The following MTREX variants were observed in gnomAD, a reference collection of about 807,000 sequenced individuals.
MTREX encodes Mtr4 exosome RNA helicase.
A neutral mutation model predicts 135.4 loss-of-function variants in MTREX; 76 were observed. That is an observed-to-expected ratio of 0.56 (90% CI 0.47 to 0.68). The LOEUF (loss-of-function observed/expected upper bound fraction) is 0.68. Ranked by LOEUF, MTREX falls within the 30% of genes least tolerant of loss-of-function variation. The pLI is 0.00. For synonymous variants in MTREX, 404 were observed against 401.6 expected, an observed-to-expected ratio of 1.01 and a Z score of -0.07; for missense variants, 920 against 1,262.1, an observed-to-expected ratio of 0.73 and a Z score of 4.11.
chr5:55,387,119 T>C (rs1260180848), intron 18 of MTREX, among the ~76,000 whole-genome samples: 3 of 152,160 alleles, frequency 2.0e-5, no homozygotes, highest in African/African-American at 4.8e-5. Flanking sequence ...AAAAAGTTTT[T>C]CTTTCGTATT....
At position 55,362,383 on chromosome 5, in the gene MTREX, C is replaced by T. The variant is rs191547926; in HGVS notation, c.1659+3685C>T. 1.3e-3 allele frequency among the ~76,000 whole-genome samples: 204 copies of T among 151,878 alleles called. 2 individuals are homozygous for T. In the Middle Eastern group the frequency reaches 0.024, roughly 18 times the overall value. On this transcript the variant is annotated intron_variant, in intron 15 of 26. Coordinates refer to ENST00000230640, the MANE Select transcript of MTREX (RefSeq NM_015360.5). Reference sequence around the variant, plus strand: ...TGTTTGTTTGTTTTTTGTTTTGAGACAGTTTCTCGCTCTGTCACCCAGGCT... The same window carrying T: ...TGTTTGTTTGTTTTTTGTTTTGAGATAGTTTCTCGCTCTGTCACCCAGGCT...
chr5:55,414,242 A>AT lies in MTREX; in HGVS notation c.2808+4_2808+5insT. The AT allele has an allele frequency of 6.7e-7, 1 of 1,500,246 alleles. No individual in the cohort carries two copies. The highest frequency in any genetic ancestry group is 9.0e-7 in the Non-Finnish European group (1 of 1,116,288). The allele number at this position is 1,500,246 out of a possible 1,614,324, so 92.9% of individuals were successfully genotyped here. On this transcript the variant is annotated splice_donor_region_variant and intron_variant, in intron 24 of 26. Transcript: ENST00000230640. ...AGGACCACTTCGTCAAATGCAGGTA[A>AT]GGTTTTTTTTTTTTTTTTTTGAACT...
At chr5:55,423,564 C>CAGTG (rs1371202418) in intron 26 of MTREX, 1 of 152,800 alleles carries the variant, frequency 6.5e-6, no homozygotes, top group African/African-American at 2.4e-5. Flanking sequence ...CTCAACTCTG[C>CAGTG]AGTGACTGGA....
chr5:55,401,086 G>C (rs1750717428), intron 21 of MTREX, among the ~76,000 whole-genome samples: 2 of 152,174 alleles, frequency 1.3e-5, no homozygotes, highest in African/African-American at 4.8e-5. Flanking sequence ...CCAGGCTTCA[G>C]TCCAGTGGCA....
chr5:55,316,528 A>G (rs1749201062), intron 1 of MTREX, among the ~76,000 whole-genome samples: 1 of 152,190 alleles, frequency 6.6e-6, no homozygotes, highest in Non-Finnish European at 1.5e-5. Context: ...ACTAAAGACA[A>G]AAAACCACAT....
intron 16 of MTREX, among the ~76,000 whole-genome samples, chr5:55,377,931 C>A (rs1257341804): frequency 1.3e-5 from 2 of 150,238 alleles, no homozygotes; most frequent in African/African-American, 4.9e-5. Flanking sequence ...TTTTAGGTCA[C>A]AAGGCACTCA....
intron 19 of MTREX, among the ~76,000 whole-genome samples, chr5:55,389,218 A>T (rs768894762): frequency 3.3e-5 from 5 of 152,074 alleles, no homozygotes; most frequent in Non-Finnish European, 7.4e-5. Context: ...TAAGGCTAAA[A>T]CTCCCACAGT....
intron 18 of MTREX, among the ~76,000 whole-genome samples, chr5:55,385,996 C>G (rs549324498): frequency 9.9e-5 from 15 of 152,192 alleles, no homozygotes; most frequent in Middle Eastern, 3.4e-3. Flanking sequence ...TTCCATTGCA[C>G]TACCTGAATT....
intron 21 of MTREX, among the ~76,000 whole-genome samples, chr5:55,405,026 G>A (rs1750780716): frequency 6.6e-6 from 1 of 151,800 alleles, no homozygotes; most frequent in African/African-American, 2.4e-5. Context: ...TGTTGGCCAG[G>A]AACCTCGTGA....
intron 15 of MTREX, among the ~76,000 whole-genome samples, chr5:55,359,373 T>C (rs1190782614): frequency 3.9e-5 from 6 of 152,218 alleles, no homozygotes; most frequent in African/African-American, 1.4e-4. Context: ...TGCCAGCTTA[T>C]TAGCTACTTA....
At chr5:55,412,237 T>C (rs1261428074) in intron 23 of MTREX, among the ~76,000 whole-genome samples, 1 of 152,216 alleles carries the variant, frequency 6.6e-6, no homozygotes, top group Non-Finnish European at 1.5e-5. Flanking sequence ...AACATTGTCT[T>C]CTAGTAAATA....
In MTREX at chr5:55,425,284, T is replaced by C. The variant is rs753327854; in HGVS notation, c.*512T>C. ...GAGTTGTATGAGAGTCCTCCTCTTT[T>C]CTTTCTTTAAAAGAAGTTCTTTCTT... On this transcript the variant is annotated 3_prime_UTR_variant, in exon 27 of 27. Coordinates refer to ENST00000230640, the MANE Select transcript of MTREX (RefSeq NM_015360.5). 26 of 1,611,636 alleles carry C rather than the reference T, an allele frequency of 1.6e-5. No homozygotes were observed. Among genetic ancestry groups the C allele is most frequent in the Non-Finnish European group, 2.0e-5 (23 of 1,177,996 alleles).
rs761281655 is a variant in MTREX, at chr5:55,379,140, G to A, written c.1997G>A (p.Gly666Glu). 1 of 1,609,106 alleles carries A rather than the reference G, an allele frequency of 6.2e-7. No individual in the cohort carries two copies. The change falls in exon 18 of 27, where the codon GGA becomes GAA. Residue 666 changes from glycine to glutamate, a missense_variant. By Grantham distance (98) the Gly-to-Glu change is moderately conservative (BLOSUM62 -2). Transcript: ENST00000230640. ...PGRLVKVKNE[G>E]DDFGWGVVVN... Reference sequence around the variant, plus strand: ...CTTTCTTTTTAGGTAAAGAATGAAGGAGATGACTTTGGCTGGGGAGTAGTG... The same window carrying A: ...CTTTCTTTTTAGGTAAAGAATGAAGAAGATGACTTTGGCTGGGGAGTAGTG...
At chr5:55,351,479 C>T (rs899071350) in intron 13 of MTREX, among the ~76,000 whole-genome samples, 1 of 152,094 alleles carries the variant, frequency 6.6e-6, no homozygotes, top group Non-Finnish European at 1.5e-5. Flanking sequence ...TTGCAGTGAG[C>T]GGAGATCACA....
chr5:55,390,630 T>A (rs1376495468), intron 19 of MTREX, among the ~76,000 whole-genome samples: 1 of 152,142 alleles, frequency 6.6e-6, no homozygotes, highest in Non-Finnish European at 1.5e-5. Flanking sequence ...TTTCCCCTTA[T>A]CATGGCCACG....
At chr5:55,363,894 A>C (rs1484040737) in intron 15 of MTREX, among the ~76,000 whole-genome samples, 1 of 152,240 alleles carries the variant, frequency 6.6e-6, no homozygotes, top group African/African-American at 2.4e-5. Context: ...CTAAGCCCTC[A>C]GTAAATGGTG....
At chr5:55,424,520 A>G (rs992982422) in intron 26 of MTREX, 200 bp from the exon 27 acceptor site, 2 of 517,920 alleles carry the variant, frequency 3.9e-6, no homozygotes, top group Admixed American at 3.3e-5. Context: ...GAGTCAAAAG[A>G]ACAGGGGTCT....
At chr5:55,319,160 A>G (rs537564984) in intron 1 of MTREX, among the ~76,000 whole-genome samples, 14 of 152,242 alleles carry the variant, frequency 9.2e-5, no homozygotes, top group African/African-American at 3.1e-4. Flanking sequence ...CTTAGTCTGT[A>G]TTTTCTGAAA....
intron 5 of MTREX, among the ~76,000 whole-genome samples, chr5:55,338,847 A>G (rs1388842242): frequency 3.5e-5 from 5 of 141,990 alleles, no homozygotes; most frequent in African/African-American, 5.4e-5. Flanking sequence ...CTGGAGTACA[A>G]TGACGTGATG....
Sources: allele counts gnomAD v4.1 joint callset (sites outside exome capture counted in the v4.1 genomes callset), GRCh38; gene constraint gnomAD v4.1.1; transcripts MANE v1.5; gene names NCBI Gene and HGNC (gene_info 2026-07-23, HGNC 2026-07-21).